LRRTM4: variants seen among roughly 807,000 people sequenced by gnomAD.
LRRTM4 encodes leucine rich repeat transmembrane neuronal 4.
In LRRTM4, 25 loss-of-function variants were observed where a neutral mutation model predicts 47.6. That is an observed-to-expected ratio of 0.53 (90% CI 0.38 to 0.73). LRRTM4 has a LOEUF of 0.73. Ranked by LOEUF, LRRTM4 falls within the 30% of genes least tolerant of loss-of-function variation. The probability of loss-of-function intolerance (pLI) is 0.00; values close to 1 mark genes in which losing one functional copy is unlikely to be tolerated. For synonymous variants in LRRTM4, 311 were observed against 269.5 expected (o/e 1.15, Z -1.51); for missense variants, 638 against 713.4 (o/e 0.89, Z 1.20).
chr2:77,136,486 T>A (rs1232134444), intron 3 of LRRTM4, among the ~76,000 whole-genome samples: 1 of 152,024 alleles, frequency 6.6e-6, no homozygotes, highest in Non-Finnish European at 1.5e-5. Context: ...TATGTCACCA[T>A]CATCAAAGAC....
At chr2:77,242,509 G>C (rs1675297696) in intron 3 of LRRTM4, among the ~76,000 whole-genome samples, 1 of 151,792 alleles carries the variant, frequency 6.6e-6, no homozygotes, top group African/African-American at 2.4e-5. Context: ...CAAATAACTT[G>C]AACAGACATT....
rs200233261 is a variant in LRRTM4, at chr2:77,078,382, A to C, written c.1552-329466T>G. The stretch of plus-strand genomic sequence containing the variant: ...ATGTTTGTCTATTACACACACACCC[A>C]CACACACACACACACACACACACAC... On this transcript the variant is annotated intron_variant, in intron 3 of 3. Coordinates refer to ENST00000409884, the MANE Select transcript of LRRTM4 (RefSeq NM_001134745.3). Among the ~76,000 whole-genome samples the C allele has an allele frequency of 2.5e-4, 15 of 60,234 alleles. No homozygotes were observed. In the East Asian group the frequency reaches 0.011, roughly 44 times the overall value. The allele number at this position is 60,234 out of a possible 152,430, so 39.5% of individuals were successfully genotyped here.
chr2:76,754,272 T>C (rs1256920987), intron 3 of LRRTM4, among the ~76,000 whole-genome samples: 1 of 152,190 alleles, frequency 6.6e-6, no homozygotes, highest in Non-Finnish European at 1.5e-5. Context: ...TATATTAGTA[T>C]GTGACAAGAA....
intron 3 of LRRTM4, among the ~76,000 whole-genome samples, chr2:76,953,246 AATAGACT>A (rs532827824): frequency 1.3e-5 from 2 of 151,934 alleles, no homozygotes; most frequent in Non-Finnish European, 2.9e-5. Flanking sequence ...ATGATAACAC[AATAGACT>A]ATTCCAGACC....
chr2:77,127,852 T>A (rs529440339), intron 3 of LRRTM4, among the ~76,000 whole-genome samples: 1 of 152,166 alleles, frequency 6.6e-6, no homozygotes, highest in African/African-American at 2.4e-5. Flanking sequence ...GAAACAAATG[T>A]TTTTTAAGCC....
intron 3 of LRRTM4, among the ~76,000 whole-genome samples, chr2:77,229,942 C>T (rs1388557680): frequency 6.6e-6 from 1 of 152,096 alleles, no homozygotes; most frequent in African/African-American, 2.4e-5. Context: ...TAAATTTCTT[C>T]ATCGCATTTA....
At chr2:76,766,710 C>T (rs183355027) in intron 3 of LRRTM4, among the ~76,000 whole-genome samples, 2 of 152,178 alleles carry the variant, frequency 1.3e-5, no homozygotes, top group African/African-American at 4.8e-5. Context: ...TCTGCTACAG[C>T]AGTAGTTGTC....
intron 3 of LRRTM4, among the ~76,000 whole-genome samples, chr2:77,496,387 A>C (rs1159517308): frequency 6.6e-6 from 1 of 151,954 alleles, no homozygotes; most frequent in East Asian, 1.9e-4. Flanking sequence ...GAGAATAGAT[A>C]CTTTTGTCTT....
chr2:77,079,586 ATTC>A (rs765919731), intron 3 of LRRTM4, among the ~76,000 whole-genome samples: 2 of 152,168 alleles, frequency 1.3e-5, no homozygotes, highest in Non-Finnish European at 2.9e-5. Context: ...GCCCAAGACC[ATTC>A]TTCTTCCATT....
At chr2:77,116,673 A>G (rs1402873600) in intron 3 of LRRTM4, among the ~76,000 whole-genome samples, 2 of 152,260 alleles carry the variant, frequency 1.3e-5, no homozygotes, top group African/African-American at 4.8e-5. Context: ...GACAAGATTC[A>G]GCACTCTTTA....
chr2:77,415,081 G>T (rs1674586394), intron 3 of LRRTM4, among the ~76,000 whole-genome samples: 1 of 152,130 alleles, frequency 6.6e-6, no homozygotes, highest in South Asian at 2.1e-4. Flanking sequence ...AAATTGTACT[G>T]CTATGTTTGC....
chr2:77,191,169 C>G (rs1451758896), intron 3 of LRRTM4, among the ~76,000 whole-genome samples: 1 of 151,960 alleles, frequency 6.6e-6, no homozygotes, highest in African/African-American at 2.4e-5. Flanking sequence ...ACACATAGGA[C>G]ATATTCTTTG....
At chr2:77,050,702 C>G (rs1679402260) in intron 3 of LRRTM4, among the ~76,000 whole-genome samples, 1 of 152,134 alleles carries the variant, frequency 6.6e-6, no homozygotes, top group Non-Finnish European at 1.5e-5. Flanking sequence ...TCACCTATTT[C>G]TTTTTGCTAG....
chr2:76,803,942 T>C (rs1055955119), intron 3 of LRRTM4, among the ~76,000 whole-genome samples: 2 of 152,234 alleles, frequency 1.3e-5, no homozygotes, highest in African/African-American at 4.8e-5. Context: ...ACTTGAAGAC[T>C]GAGTCTCTAG....
intron 3 of LRRTM4, among the ~76,000 whole-genome samples, chr2:77,085,756 T>C (rs369643484): frequency 2.6e-5 from 4 of 152,352 alleles, no homozygotes; most frequent in African/African-American, 9.6e-5. Flanking sequence ...ATTGTGTACA[T>C]CATCTAATGA....
intron 3 of LRRTM4, among the ~76,000 whole-genome samples, chr2:77,149,523 T>C (rs1672360391): frequency 6.6e-6 from 1 of 152,178 alleles, no homozygotes; most frequent in Non-Finnish European, 1.5e-5. Context: ...GTGTGTCCTA[T>C]TGTGGATGCT....
chr2:77,208,340 C>T (rs1674199339), intron 3 of LRRTM4, among the ~76,000 whole-genome samples: 1 of 152,110 alleles, frequency 6.6e-6, no homozygotes, highest in Non-Finnish European at 1.5e-5. Context: ...TCATAGGAAG[C>T]CTCCTTTATA....
At chr2:77,021,997 G>A (rs1678292659) in intron 3 of LRRTM4, among the ~76,000 whole-genome samples, 2 of 152,050 alleles carry the variant, frequency 1.3e-5, no homozygotes, top group African/African-American at 4.8e-5. Flanking sequence ...CCACCTCCAA[G>A]ACCACCTGTA....
chr2:77,227,259 G>A (rs1182856687), intron 3 of LRRTM4, among the ~76,000 whole-genome samples: 1 of 152,046 alleles, frequency 6.6e-6, no homozygotes, highest in African/African-American at 2.4e-5. Flanking sequence ...TTTCCAAATT[G>A]CCATAGCTCA....
Sources: gnomAD v4.1 joint callset for allele counts (sites outside exome capture counted in the v4.1 genomes callset) on GRCh38, gnomAD v4.1.1 for gene constraint, MANE v1.5 for transcripts, NCBI Gene and HGNC (gene_info 2026-07-23, HGNC 2026-07-21) for gene names.